PRKAR2B: variants seen among roughly 807,000 people sequenced by gnomAD.
The protein encoded by PRKAR2B is cAMP-dependent protein kinase type II-beta regulatory subunit.
PRKAR2B carries 14 observed loss-of-function variants against 49.9 expected under a neutral mutation model. That is an observed-to-expected ratio of 0.28 (90% confidence interval 0.19 to 0.44). PRKAR2B has a LOEUF of 0.44. Among genes scored for constraint, PRKAR2B ranks in the 20% least tolerant of loss-of-function variants. PRKAR2B has a pLI of 1.00. For synonymous variants in PRKAR2B, 196 were observed against 197.7 expected, an observed-to-expected ratio of 0.99 and a Z score of 0.07; for missense variants, 393 against 537.9, an observed-to-expected ratio of 0.73 and a Z score of 2.67.
At chr7:107,075,452 T>C (rs922070014) in intron 2 of PRKAR2B, among the ~76,000 whole-genome samples, 1 of 151,954 alleles carries the variant, frequency 6.6e-6, no homozygotes, top group Non-Finnish European at 1.5e-5. Context: ...CAGGCTGTAG[T>C]GCAGTGGCAT....
chr7:107,092,563 C>A (rs1464951117), intron 2 of PRKAR2B, among the ~76,000 whole-genome samples: 1 of 151,872 alleles, frequency 6.6e-6, no homozygotes, highest in Non-Finnish European at 1.5e-5. Context: ...ATGTTATAAA[C>A]CTACTAACAA....
chr7:107,121,431 A>G (rs1795386192), intron 2 of PRKAR2B, among the ~76,000 whole-genome samples: 1 of 152,208 alleles, frequency 6.6e-6, no homozygotes, highest in Non-Finnish European at 1.5e-5. Flanking sequence ...GTTAAATGAA[A>G]AAAGTAGGTT....
chr7:107,093,994 C>T (rs1584424090), intron 2 of PRKAR2B, among the ~76,000 whole-genome samples: 1 of 152,134 alleles, frequency 6.6e-6, no homozygotes. Flanking sequence ...GTCTTTATAG[C>T]AGCATGATTT....
chr7:107,128,405 G>A, intron 4 of PRKAR2B, 110 bp downstream of exon 4: 1 of 717,156 alleles, frequency 1.4e-6, no homozygotes, highest in Non-Finnish European at 2.3e-6. Context: ...ATCACCCTGG[G>A]GTGATGGTAA....
chr7:107,099,245 G>A (rs1014912939), intron 2 of PRKAR2B, among the ~76,000 whole-genome samples: 12 of 152,256 alleles, frequency 7.9e-5, no homozygotes, highest in South Asian at 2.1e-4. Flanking sequence ...CCTCGCTGCC[G>A]CCTTGCAGTT....
At chr7:107,045,322 A>C (rs1002810314) in intron 1 of PRKAR2B, 108 bp downstream of exon 1, 20 of 931,926 alleles carry the variant, frequency 2.1e-5, no homozygotes, top group Non-Finnish European at 3.0e-5. Context: ...CTCTCCCCGC[A>C]TTCTCCACCT....
intron 4 of PRKAR2B, among the ~76,000 whole-genome samples, chr7:107,139,553 ACCAGATGTTAC>A (rs1795755812): frequency 6.6e-6 from 1 of 152,116 alleles, no homozygotes; most frequent in South Asian, 2.1e-4. Flanking sequence ...TGCTGGCAGA[ACCAGATGTTAC>A]CCACTTTGGA....
At chr7:107,117,730 T>C (rs1795302906) in intron 2 of PRKAR2B, among the ~76,000 whole-genome samples, 1 of 151,912 alleles carries the variant, frequency 6.6e-6, no homozygotes, top group African/African-American at 2.4e-5. Context: ...ATCCCTCATC[T>C]ATCATTCTTT....
At chr7:107,128,418 G>A (rs1795539300) in intron 4 of PRKAR2B, 123 bp downstream of exon 4, 4 of 638,404 alleles carry the variant, frequency 6.3e-6, no homozygotes, top group Admixed American at 3.1e-5. Context: ...GATGGTAAAG[G>A]CCCCCTTGCG....
At chr7:107,062,492 GT>G (rs1322082160) in intron 1 of PRKAR2B, among the ~76,000 whole-genome samples, 8 of 152,152 alleles carry the variant, frequency 5.3e-5, no homozygotes, top group Non-Finnish European at 1.2e-4. Flanking sequence ...TTTGCATGAA[GT>G]TCAAAGACAG....
intron 2 of PRKAR2B, among the ~76,000 whole-genome samples, chr7:107,078,638 T>G (rs1264769932): frequency 6.6e-6 from 1 of 151,942 alleles, no homozygotes; most frequent in African/African-American, 2.4e-5. Context: ...TTCCAGCCAC[T>G]TGCCCCTCCT....
At chr7:107,064,869 C>T (rs1794103299) in intron 1 of PRKAR2B, among the ~76,000 whole-genome samples, 1 of 152,118 alleles carries the variant, frequency 6.6e-6, no homozygotes, top group African/African-American at 2.4e-5. Flanking sequence ...TAAAAGTTTG[C>T]AAGTTGTGTG....
Position 107,157,160 on chromosome 7 carries a change from G to C in PRKAR2B, c.985-26G>C, listed in dbSNP as rs1796107810. 2.5e-6 allele frequency: 4 copies of C among 1,608,672 alleles called. No individual in the cohort carries two copies. The South Asian group carries it at 4.4e-5, about 18-fold the overall frequency. On this transcript the variant is annotated intron_variant, in intron 9 of 10. Coordinates refer to ENST00000265717, the MANE Select transcript of PRKAR2B (RefSeq NM_002736.3). ...TTTATTTTTCATAAGCTGAGGAAAA[G>C]CTCATCTTTTTAATTGCCTTGTCAG...
At chr7:107,051,894 A>G (rs1793812191) in intron 1 of PRKAR2B, among the ~76,000 whole-genome samples, 1 of 152,220 alleles carries the variant, frequency 6.6e-6, no homozygotes, top group Non-Finnish European at 1.5e-5. Context: ...TGTTTGACTA[A>G]GGATGACATT....
rs1203038289 is a variant in PRKAR2B, at chr7:107,160,473, A to G, written c.*891A>G. The G allele has an allele frequency of 1.3e-5, 2 of 152,090 alleles. No individual in the cohort carries two copies. Among genetic ancestry groups the G allele is most frequent in the Admixed American group, 6.5e-5 (1 of 15,276 alleles). The allele number at this position is 152,090 out of a possible 1,614,324, so 9.4% of individuals were successfully genotyped here. A position where few individuals can be genotyped will look rare whatever the true frequency, so the allele number is the denominator to read the frequency against. On this transcript the variant is annotated 3_prime_UTR_variant, in exon 11 of 11. Coordinates refer to ENST00000265717, the MANE Select transcript of PRKAR2B (RefSeq NM_002736.3). The stretch of plus-strand genomic sequence containing the variant: ...CACCTAAAAAATCTCTCCTATCCCA[A>G]AAATAATGTGGGATCCTTATCAGCA...
chr7:107,119,374 T>C lies in PRKAR2B; in HGVS notation c.344-2578T>C, dbSNP rs186832366. On this transcript the variant is annotated intron_variant, in intron 2 of 10. Coordinates refer to ENST00000265717, the MANE Select transcript of PRKAR2B (RefSeq NM_002736.3). ...TGCATTTGGTTTAATGCTCTGCTCTTGTTGTCCTTTGGAAAGTCTTAATTT... is the reference window on the plus strand; with the variant it reads ...TGCATTTGGTTTAATGCTCTGCTCTCGTTGTCCTTTGGAAAGTCTTAATTT... 1.2e-4 allele frequency among the ~76,000 whole-genome samples: 19 copies of C among 152,354 alleles called. No homozygotes were observed. The East Asian group carries it at 2.9e-3, about 23-fold the overall frequency.
chr7:107,051,008 A>C (rs1584400181), intron 1 of PRKAR2B, among the ~76,000 whole-genome samples: 1 of 152,172 alleles, frequency 6.6e-6, no homozygotes, highest in East Asian at 1.9e-4. Flanking sequence ...GACTTAAGAC[A>C]CCATCCTTTT....
chr7:107,059,629 T>C (rs1793986656), intron 1 of PRKAR2B, among the ~76,000 whole-genome samples: 1 of 152,192 alleles, frequency 6.6e-6, no homozygotes, highest in South Asian at 2.1e-4. Context: ...TGTATAAATA[T>C]ACACTTTATC....
At chr7:107,119,080 G>T (rs540609057) in intron 2 of PRKAR2B, among the ~76,000 whole-genome samples, 78 of 152,212 alleles carry the variant, frequency 5.1e-4, no homozygotes, top group African/African-American at 1.8e-3. Flanking sequence ...TAAACTCTTT[G>T]GAAAAATAGT....
Sources: gnomAD v4.1 joint callset for allele counts (sites outside exome capture counted in the v4.1 genomes callset) on GRCh38, gnomAD v4.1.1 for gene constraint, MANE v1.5 for transcripts, NCBI Gene and HGNC (gene_info 2026-07-23, HGNC 2026-07-21) for gene names.